The following LRMDA variants were observed in gnomAD, a reference collection of about 807,000 sequenced individuals.
The protein encoded by LRMDA is leucine-rich melanocyte differentiation-associated protein.
A neutral mutation model predicts 29.8 loss-of-function variants in LRMDA; 18 were observed. The ratio of observed to expected loss-of-function variants is 0.60; its 90% CI spans 0.42 to 0.90. The LOEUF is 0.90. LRMDA is among the 40% of genes least tolerant of loss of function. The probability of loss-of-function intolerance (pLI) is 0.00; values close to 1 mark genes in which losing one functional copy is unlikely to be tolerated. For missense variants in LRMDA, 273 were observed against 273.9 expected (o/e 1.00, Z 0.02); for synonymous variants, 125 against 109.4 (o/e 1.14, Z -0.89).
At chr10:75,760,622 T>C (rs1843083873) in intron 2 of LRMDA, among the ~76,000 whole-genome samples, 1 of 152,212 alleles carries the variant, frequency 6.6e-6, no homozygotes, top group Admixed American at 6.5e-5. Flanking sequence ...TATTTTATAA[T>C]AGAAAGCTCA....
At chr10:75,912,665 A>G (rs1845861489) in intron 2 of LRMDA, among the ~76,000 whole-genome samples, 1 of 152,178 alleles carries the variant, frequency 6.6e-6, no homozygotes, top group South Asian at 2.1e-4. Context: ...CTGTAGGTAG[A>G]GTTCTACTTA....
intron 2 of LRMDA, among the ~76,000 whole-genome samples, chr10:75,564,006 T>C (rs1180491443): frequency 6.6e-6 from 1 of 152,212 alleles, no homozygotes; most frequent in Admixed American, 6.5e-5. Context: ...GAGGAGGTAG[T>C]CTGCCCGTTC....
intron 5 of LRMDA, among the ~76,000 whole-genome samples, chr10:76,271,186 C>G (rs977226171): frequency 1.4e-4 from 21 of 152,144 alleles, no homozygotes; most frequent in African/African-American, 4.3e-4. Context: ...GGTGGGTGAA[C>G]TGCATTAACT....
intron 2 of LRMDA, among the ~76,000 whole-genome samples, chr10:75,958,231 A>G (rs1846698932): frequency 6.6e-6 from 1 of 152,182 alleles, no homozygotes; most frequent in South Asian, 2.1e-4. Context: ...TGCTTATTGC[A>G]TAAACAGGGC....
intron 2 of LRMDA, among the ~76,000 whole-genome samples, chr10:75,960,510 A>AG (rs1205808158): frequency 7.9e-5 from 12 of 152,248 alleles, no homozygotes; most frequent in Non-Finnish European, 1.5e-4. Context: ...GAAAAGGGAG[A>AG]AAACTTTATA....
chr10:75,929,324 C>T lies in LRMDA; in HGVS notation c.132-106684C>T, dbSNP rs535687504. On this transcript the variant is annotated intron_variant, in intron 2 of 6. Coordinates refer to ENST00000611255, the MANE Select transcript of LRMDA (RefSeq NM_001305581.2). ...GTGTGTGTGTGTGTGTAAATGAATGCGTTTGTGCATATGTTGGTAGAATTC... is the reference window on the plus strand; with the variant it reads ...GTGTGTGTGTGTGTGTAAATGAATGTGTTTGTGCATATGTTGGTAGAATTC... Among the ~76,000 whole-genome samples, 18 of 117,822 alleles carry T rather than the reference C, an allele frequency of 1.5e-4. No individual in the cohort carries two copies. In the South Asian group the frequency reaches 3.0e-3, roughly 20 times the overall value. 77.3% of individuals were successfully genotyped at this position (117,822 alleles called of 152,430 possible). A position where few individuals can be genotyped will look rare whatever the true frequency, so the allele number is the denominator to read the frequency against.
At position 76,122,828 on chromosome 10, in the gene LRMDA, G is replaced by C. The variant is rs573260502; in HGVS notation, c.516+64045G>C. On this transcript the variant is annotated intron_variant, in intron 5 of 6. Transcript: ENST00000611255. ...ACATTCAGCTCACCCCAACTCTAAG[G>C]CTGCAAAGCTGATTCGGCATTTAGT... Among the ~76,000 whole-genome samples the C allele has an allele frequency of 9.0e-4, 137 of 152,236 alleles. 1 individual carries two copies. The highest frequency in any genetic ancestry group is 1.7e-3 in the Non-Finnish European group (115 of 68,018).
At position 75,854,901 on chromosome 10, in the gene LRMDA, C is replaced by T. The variant is rs185677249; in HGVS notation, c.132-181107C>T. Among the ~76,000 whole-genome samples, 126 of 152,284 alleles carry T rather than the reference C, an allele frequency of 8.3e-4. 1 individual carries two copies. Among genetic ancestry groups the T allele is most frequent in the African/African-American group, 2.9e-3 (122 of 41,566 alleles). On this transcript the variant is annotated intron_variant, in intron 2 of 6. Coordinates refer to ENST00000611255, the MANE Select transcript of LRMDA (RefSeq NM_001305581.2). ...GTCCCTAAAAAGGACATGAACTCAT[C>T]ATTTTTTATGGCTGCATAGTATTCC...
intron 2 of LRMDA, among the ~76,000 whole-genome samples, chr10:75,709,750 A>G (rs1319815809): frequency 6.6e-6 from 1 of 152,108 alleles, no homozygotes; most frequent in African/African-American, 2.4e-5. Context: ...CGGCCCTTTA[A>G]GAGGAAGGGG....
At chr10:76,112,922 A>C (rs1477755932) in intron 5 of LRMDA, among the ~76,000 whole-genome samples, 1 of 152,168 alleles carries the variant, frequency 6.6e-6, no homozygotes, top group Admixed American at 6.5e-5. Flanking sequence ...GAATGTTGCC[A>C]CTTAAGTTTT....
At chr10:75,869,814 C>T (rs910999984) in intron 2 of LRMDA, among the ~76,000 whole-genome samples, 2 of 152,152 alleles carry the variant, frequency 1.3e-5, no homozygotes, top group African/African-American at 4.8e-5. Context: ...GCTTTTCTGT[C>T]CTGTCTCCTC....
At chr10:75,596,158 C>T (rs1840784979) in intron 2 of LRMDA, among the ~76,000 whole-genome samples, 1 of 152,132 alleles carries the variant, frequency 6.6e-6, no homozygotes. Context: ...CACATACTTT[C>T]CAAGGTAGAT....
At chr10:76,302,602 C>G (rs1205307477) in intron 5 of LRMDA, among the ~76,000 whole-genome samples, 1 of 151,952 alleles carries the variant, frequency 6.6e-6, no homozygotes, top group East Asian at 1.9e-4. Flanking sequence ...TGTTTCTTGC[C>G]TTTTAGAGAA....
intron 2 of LRMDA, among the ~76,000 whole-genome samples, chr10:75,943,287 T>G (rs1314548815): frequency 6.6e-6 from 1 of 152,170 alleles, no homozygotes; most frequent in Non-Finnish European, 1.5e-5. Context: ...GAATCTCCTA[T>G]GACACTCATG....
At chr10:76,264,433 A>C (rs1242542733) in intron 5 of LRMDA, among the ~76,000 whole-genome samples, 56 of 138,642 alleles carry the variant, frequency 4.0e-4, no homozygotes, top group African/African-American at 1.4e-3. Context: ...AAAAAAAAAA[A>C]AAAAAAAAAA....
intron 2 of LRMDA, among the ~76,000 whole-genome samples, chr10:75,806,064 C>T (rs569984205): frequency 3.9e-5 from 6 of 152,166 alleles, no homozygotes; most frequent in African/African-American, 7.2e-5. Context: ...GTGGGAGCAG[C>T]GATGTCCCAT....
chr10:75,947,904 G>A (rs1187202944), intron 2 of LRMDA, among the ~76,000 whole-genome samples: 1 of 152,114 alleles, frequency 6.6e-6, no homozygotes, highest in Non-Finnish European at 1.5e-5. Flanking sequence ...CTCGATTATT[G>A]GATTCTGTAG....
At chr10:75,781,497 C>T (rs1484670296) in intron 2 of LRMDA, among the ~76,000 whole-genome samples, 2 of 152,026 alleles carry the variant, frequency 1.3e-5, no homozygotes, top group Non-Finnish European at 2.9e-5. Flanking sequence ...TAGAGTATAC[C>T]GTTTGTGGAG....
At position 76,557,294 on chromosome 10, in the gene LRMDA, A is replaced by T. The variant is rs1294114704; in HGVS notation, c.*6A>T. 6.2e-7 allele frequency: 1 copy of T among 1,601,390 alleles called. No individual in the cohort carries two copies. On this transcript the variant is annotated 3_prime_UTR_variant, in exon 7 of 7. Transcript: ENST00000611255. ...TCCGAGATGACCAGCTCTGAAGCCAACTTCTGTATACCTTCACCCATTTCA... is the reference window on the plus strand; with the variant it reads ...TCCGAGATGACCAGCTCTGAAGCCATCTTCTGTATACCTTCACCCATTTCA...
Sources: allele counts gnomAD v4.1 joint callset (sites outside exome capture counted in the v4.1 genomes callset), GRCh38; gene constraint gnomAD v4.1.1; transcripts MANE v1.5; gene names NCBI Gene and HGNC (gene_info 2026-07-23, HGNC 2026-07-21).